PSD2: variants seen among roughly 807,000 people sequenced by gnomAD.
The protein encoded by PSD2 is PH and SEC7 domain-containing protein 2.
Under a neutral mutation model 69.8 loss-of-function variants are expected in PSD2, and 38 were observed. The ratio of observed to expected loss-of-function variants is 0.54; its 90% CI spans 0.42 to 0.71. The LOEUF (loss-of-function observed/expected upper bound fraction) is 0.71. PSD2 is among the 30% of genes least tolerant of loss of function. The pLI is 0.00. For synonymous variants in PSD2, 412 were observed against 423.0 expected (o/e 0.97, Z 0.32); for missense variants, 943 against 1,014.5 (o/e 0.93, Z 0.96).
chr5:139,826,094 G>A (rs1760411966), intron 7 of PSD2, among the ~76,000 whole-genome samples: 1 of 152,224 alleles, frequency 6.6e-6, no homozygotes, highest in Non-Finnish European at 1.5e-5. Context: ...TAAAGTGATG[G>A]CGCAAGAGTG....
the PSD2 span, among the ~76,000 whole-genome samples, chr5:139,784,812 A>G: frequency 6.6e-6 from 1 of 151,558 alleles, no homozygotes; most frequent in Admixed American, 6.6e-5. Context: ...CTGCAGTGCA[A>G]TGGCATGATC....
At chr5:139,745,343 G>A in the PSD2 span, 1 of 152,460 alleles carries the variant, frequency 6.6e-6, no homozygotes, top group Non-Finnish European at 1.5e-5. Flanking sequence ...GCAGATGGTG[G>A]AGGGACTTTC....
chr5:139,813,875 C>T, intron 3 of PSD2, 117 bp downstream of exon 3: 1 of 887,880 alleles, frequency 1.1e-6, no homozygotes, highest in Non-Finnish European at 1.7e-6. Context: ...TCTTCAAGGT[C>T]ACCTGGTCTA....
intron 4 of PSD2, among the ~76,000 whole-genome samples, chr5:139,816,667 C>T (rs760546858): frequency 1.1e-4 from 17 of 152,214 alleles, no homozygotes; most frequent in Non-Finnish European, 2.2e-4. Flanking sequence ...TCTTGAAATA[C>T]AGTCTTCGTT....
chr5:139,822,813 G>C (rs773513065), intron 7 of PSD2, 29 bp downstream of exon 7: 12 of 1,590,900 alleles, frequency 7.5e-6, no homozygotes, highest in Middle Eastern at 1.7e-4. Context: ...GGGGGGTGTC[G>C]CATGTCCTCT....
rs1314653957 is a variant in PSD2 at position 139,814,885 on chromosome 5, G to A, written c.1016+521G>A. ...AACTGGCTAGATGAGGGCCCCAAAG[G>A]GGACCAGGGGACAGGCGGGATTGCA... On this transcript the variant is annotated intron_variant, in intron 4 of 14. Transcript: ENST00000274710. This position sits in a 1 kb window ranked among gnomAD's most constrained non-coding sequence, Gnocchi z 4.4. Among the ~76,000 whole-genome samples the A allele has an allele frequency of 6.6e-6, 1 of 152,182 alleles. No individual in the cohort carries two copies. The highest frequency in any genetic ancestry group is 1.5e-5 in the Non-Finnish European group (1 of 68,028).
the PSD2 span, among the ~76,000 whole-genome samples, chr5:139,759,227 C>T: frequency 3.9e-5 from 6 of 152,110 alleles, no homozygotes; most frequent in Non-Finnish European, 5.9e-5. Flanking sequence ...AAGGCTGCAC[C>T]GCACACCGCA....
rs755661517 is a variant in PSD2 at position 139,813,584 on chromosome 5, G to A, written c.647G>A (p.Gly216Glu). 1 of 1,613,502 alleles carries A rather than the reference G, an allele frequency of 6.2e-7. No individual in the cohort carries two copies. Among genetic ancestry groups the A allele is most frequent in the South Asian group, 1.1e-5 (1 of 91,060 alleles). Residue 216 changes from glycine to glutamate, a missense_variant, in exon 3 of 15, where the codon GGG becomes GAG. Coordinates refer to ENST00000274710, the MANE Select transcript of PSD2 (RefSeq NM_032289.4). ...GACATGGGGGCAGCTGGTGGTGATG[G>A]GGAGCTGGGCAGCCCCCTGCGGCGC... is the stretch of plus-strand genomic sequence containing the variant. ...EGDMGAAGGD[G>E]ELGSPLRRSI...
the PSD2 span, among the ~76,000 whole-genome samples, chr5:139,767,023 C>T: frequency 6.8e-6 from 1 of 147,244 alleles, no homozygotes; most frequent in South Asian, 2.2e-4. Context: ...CTCAGAGTCT[C>T]GCTCTGTCAC....
chr5:139,749,710 A>T, the PSD2 span, among the ~76,000 whole-genome samples: 2 of 152,156 alleles, frequency 1.3e-5, no homozygotes, highest in Admixed American at 1.3e-4. Flanking sequence ...CAATTACCTC[A>T]ACTGGCTGGG....
chr5:139,777,207 A>T, the PSD2 span, among the ~76,000 whole-genome samples: 1 of 152,248 alleles, frequency 6.6e-6, no homozygotes, highest in Admixed American at 6.5e-5. Context: ...GGTATACCCT[A>T]ATTGGCAATG....
chr5:139,762,328 C>A, the PSD2 span, among the ~76,000 whole-genome samples: 6 of 150,778 alleles, frequency 4.0e-5, no homozygotes, highest in Admixed American at 4.0e-4. Flanking sequence ...CAGGCATGAA[C>A]CACCACGCCC....
At chr5:139,786,815 G>A in the PSD2 span, among the ~76,000 whole-genome samples, 4 of 152,216 alleles carry the variant, frequency 2.6e-5, no homozygotes, top group East Asian at 1.9e-4. Flanking sequence ...AACTTGACGC[G>A]TTTTTGGAAG....
Position 139,822,727 on chromosome 5 carries a change from T to C in PSD2, c.1212T>C (p.Asp404=), listed in dbSNP as rs767007921. 2 of 1,609,390 alleles carry C rather than the reference T, an allele frequency of 1.2e-6. No homozygotes were observed. The highest frequency in any genetic ancestry group is 1.7e-6 in the Non-Finnish European group (2 of 1,177,748). The part of the protein sequence containing the change: ...QCNPDDSTSE[D]GIHTLTCALM... ...AGAGTGCCACCATCTCTGACTCAGA[T>C]GGGATCCACACGCTCACCTGTGCCC... The change falls in exon 7 of 15, where the codon GAT becomes GAC. Residue 404 remains aspartate, a splice_region_variant and synonymous_variant. Coordinates refer to ENST00000274710, the MANE Select transcript of PSD2 (RefSeq NM_032289.4).
chr5:139,783,322 G>T, the PSD2 span, among the ~76,000 whole-genome samples: 10 of 152,098 alleles, frequency 6.6e-5, no homozygotes, highest in East Asian at 1.7e-3. Flanking sequence ...CGTACCTGTG[G>T]TCTCAGCCAC....
the PSD2 span, among the ~76,000 whole-genome samples, chr5:139,772,136 G>A: frequency 1.4e-4 from 21 of 152,180 alleles, no homozygotes; most frequent in Non-Finnish European, 2.9e-4. Flanking sequence ...GAGGGAGTGG[G>A]AGTGGGAGTG....
chr5:139,749,854 A>G, the PSD2 span, among the ~76,000 whole-genome samples: 1 of 151,800 alleles, frequency 6.6e-6, no homozygotes, highest in African/African-American at 2.4e-5. Flanking sequence ...ACAAACAAAA[A>G]CAAACAAACA....
the PSD2 span, among the ~76,000 whole-genome samples, chr5:139,769,064 T>A: frequency 6.6e-6 from 1 of 151,848 alleles, no homozygotes; most frequent in South Asian, 2.1e-4. Context: ...CACCAGGCAG[T>A]GATGTTGGAG....
At chr5:139,748,068 G>C in the PSD2 span, among the ~76,000 whole-genome samples, 14 of 152,330 alleles carry the variant, frequency 9.2e-5, no homozygotes, top group African/African-American at 3.4e-4. Flanking sequence ...GCGAAGGTCT[G>C]CGGACACGTG....
Sources: gnomAD v4.1 joint callset for allele counts (sites outside exome capture counted in the v4.1 genomes callset) on GRCh38, gnomAD v4.1.1 for gene constraint, Gnocchi (gnomAD v3.1) non-coding constraint, MANE v1.5 for transcripts, NCBI Gene and HGNC (gene_info 2026-07-23, HGNC 2026-07-21) for gene names.